The following ERC2 variants were observed in gnomAD, a reference collection of about 807,000 sequenced individuals.
ERC2 encodes the protein ERC protein 2.
ERC2 carries 42 observed loss-of-function variants against 114.8 expected under a neutral mutation model. That is an observed-to-expected ratio of 0.37 (90% CI 0.29 to 0.47). The LOEUF is 0.47. Ranked by LOEUF, ERC2 falls within the 20% of genes least tolerant of loss-of-function variation. The pLI, the probability that ERC2 is intolerant of heterozygous loss-of-function variation, is 0.99. For synonymous variants in ERC2, 454 were observed against 425.5 expected, an observed-to-expected ratio of 1.07 and a Z score of -0.82; for missense variants, 939 against 1,150.7, an observed-to-expected ratio of 0.82 and a Z score of 2.66.
At chr3:55,649,914 G>A (rs535665593) in intron 17 of ERC2, among the ~76,000 whole-genome samples, 4 of 152,286 alleles carry the variant, frequency 2.6e-5, no homozygotes, top group South Asian at 4.1e-4. Context: ...TTAAATCCAC[G>A]TCGCTGGAAG....
intron 15 of ERC2, among the ~76,000 whole-genome samples, chr3:55,714,665 G>GTATATATA (rs2063987436): frequency 2.7e-5 from 1 of 36,676 alleles, no homozygotes; most frequent in Admixed American, 2.2e-4. Context: ...GTGTGTGTGT[G>GTATATATA]TGTATATATA....
chr3:56,124,878 G>T (rs2079786895), intron 6 of ERC2, among the ~76,000 whole-genome samples: 1 of 152,142 alleles, frequency 6.6e-6, no homozygotes, highest in African/African-American at 2.4e-5. Context: ...CTGAACAAAA[G>T]AAATGTTTTC....
At chr3:56,167,878 C>T (rs1335957273) in intron 4 of ERC2, among the ~76,000 whole-genome samples, 2 of 152,102 alleles carry the variant, frequency 1.3e-5, no homozygotes, top group East Asian at 3.8e-4. Context: ...ATAACACATG[C>T]ATGTAAAAAG....
In ERC2 at chr3:55,861,305, A is replaced by G. The variant is rs565018826; in HGVS notation, c.2564+27084T>C. ...CCTTGCCTTCCTTACTACGGATCTCATGGAAGCCAGCGCAGCTGGTTGCAC... is the reference window on the plus strand; with the variant it reads ...CCTTGCCTTCCTTACTACGGATCTCGTGGAAGCCAGCGCAGCTGGTTGCAC... On this transcript the variant is annotated intron_variant, in intron 14 of 17. Coordinates refer to ENST00000288221, the MANE Select transcript of ERC2 (RefSeq NM_015576.3). Among the ~76,000 whole-genome samples the G allele has an allele frequency of 3.9e-4, 59 of 152,294 alleles. No individual in the cohort carries two copies. In the South Asian group the frequency reaches 0.011, roughly 29 times the overall value.
At chr3:55,537,290 G>A (rs768101102) in intron 17 of ERC2, among the ~76,000 whole-genome samples, 10 of 152,220 alleles carry the variant, frequency 6.6e-5, no homozygotes, top group Non-Finnish European at 1.2e-4. Flanking sequence ...TAGAAACCAG[G>A]ATAGGTTTGG....
At chr3:55,706,505 C>T (rs815430) in intron 15 of ERC2, among the ~76,000 whole-genome samples, 125,554 of 152,072 alleles carry the variant, frequency 0.83, 52,328 homozygotes, top group African/African-American at 0.94. Context: ...CAAGTGATTA[C>T]CCCACCTCAG....
At chr3:56,127,582 G>A (rs1402949874) in intron 6 of ERC2, among the ~76,000 whole-genome samples, 1 of 152,016 alleles carries the variant, frequency 6.6e-6, no homozygotes, top group African/African-American at 2.4e-5. Flanking sequence ...AATTAGCTGG[G>A]CACGGTGGCA....
At chr3:55,572,133 T>C (rs2056747551) in intron 17 of ERC2, among the ~76,000 whole-genome samples, 1 of 152,206 alleles carries the variant, frequency 6.6e-6, no homozygotes, top group Non-Finnish European at 1.5e-5. Flanking sequence ...CCTGTCATCA[T>C]GAGGCATTCC....
chr3:56,041,857 G>A (rs1413075344), intron 7 of ERC2, among the ~76,000 whole-genome samples: 2 of 152,156 alleles, frequency 1.3e-5, no homozygotes, highest in African/African-American at 4.8e-5. Flanking sequence ...ATTGTATTTG[G>A]AGGGAAGGAA....
intron 1 of ERC2, among the ~76,000 whole-genome samples, chr3:56,441,347 A>G (rs2062297662): frequency 6.6e-6 from 1 of 152,182 alleles, no homozygotes; most frequent in African/African-American, 2.4e-5. Context: ...AGCCATCACT[A>G]TATGTAACAA....
chr3:56,036,294 G>T (rs1009814134), intron 7 of ERC2, among the ~76,000 whole-genome samples: 2 of 152,134 alleles, frequency 1.3e-5, no homozygotes, highest in Non-Finnish European at 2.9e-5. Context: ...TAAGATCAGG[G>T]ACACGACAAG....
At chr3:56,350,183 A>T (rs1445997404) in intron 2 of ERC2, among the ~76,000 whole-genome samples, 1 of 152,194 alleles carries the variant, frequency 6.6e-6, no homozygotes, top group East Asian at 1.9e-4. Flanking sequence ...TTATCCCAAC[A>T]TGTCACTGTG....
chr3:56,329,898 T>C (rs1025754642), intron 2 of ERC2, among the ~76,000 whole-genome samples: 1 of 151,432 alleles, frequency 6.6e-6, no homozygotes, highest in Non-Finnish European at 1.5e-5. Context: ...CCACTATATA[T>C]ATTTCAAATA....
At chr3:56,342,465 G>A (rs927209904) in intron 2 of ERC2, among the ~76,000 whole-genome samples, 2 of 152,100 alleles carry the variant, frequency 1.3e-5, no homozygotes, top group African/African-American at 2.4e-5. Context: ...CCAGCTATTC[G>A]GCTAAGCACT....
At chr3:55,615,862 C>A (rs1230821656) in intron 17 of ERC2, among the ~76,000 whole-genome samples, 1 of 152,186 alleles carries the variant, frequency 6.6e-6, no homozygotes, top group Non-Finnish European at 1.5e-5. Flanking sequence ...AGCCATTTGG[C>A]CGGAGGGCTC....
chr3:56,424,212 G>A (rs898646191), intron 2 of ERC2, among the ~76,000 whole-genome samples: 2 of 152,100 alleles, frequency 1.3e-5, no homozygotes, highest in African/African-American at 4.8e-5. Flanking sequence ...TTGGAGCTTG[G>A]TTTCAATAAG....
chr3:56,018,017 A>G (rs1264451332), intron 8 of ERC2, among the ~76,000 whole-genome samples: 1 of 152,174 alleles, frequency 6.6e-6, no homozygotes, highest in East Asian at 1.9e-4. Flanking sequence ...AAACAGATAA[A>G]TGAACAATTA....
chr3:55,952,179 A>ACACACTCT (rs1390539850), intron 12 of ERC2, among the ~76,000 whole-genome samples: 14 of 62,096 alleles, frequency 2.3e-4, no homozygotes, highest in South Asian at 1.3e-3. Flanking sequence ...ACACACACAC[A>ACACACTCT]CTCTCTCTCT....
At chr3:56,126,198 G>A (rs2149873667) in intron 6 of ERC2, among the ~76,000 whole-genome samples, 1 of 152,100 alleles carries the variant, frequency 6.6e-6, no homozygotes, top group African/African-American at 2.4e-5. Context: ...TCAAACTTTA[G>A]AAAAATTTGC....
Sources: gnomAD v4.1 joint callset for allele counts (sites outside exome capture counted in the v4.1 genomes callset) on GRCh38, gnomAD v4.1.1 for gene constraint, MANE v1.5 for transcripts, NCBI Gene and HGNC (gene_info 2026-07-23, HGNC 2026-07-21) for gene names.